TDRKH: variants seen among roughly 807,000 people sequenced by gnomAD.
TDRKH encodes tudor and KH domain-containing protein.
In TDRKH, 28 loss-of-function variants were observed where a neutral mutation model predicts 61.3. The ratio of observed to expected loss-of-function variants is 0.46; its 90% CI spans 0.34 to 0.63. The LOEUF (loss-of-function observed/expected upper bound fraction) is 0.63, where lower values mean the gene tolerates loss of function less well. Ranked by LOEUF, TDRKH falls within the 20% of genes least tolerant of loss-of-function variation. TDRKH has a pLI of 0.01. For missense variants in TDRKH, 540 were observed against 683.4 expected (o/e 0.79, Z 2.34); for synonymous variants, 219 against 244.4 (o/e 0.90, Z 0.97).
chr1:151,780,367 TAGC>T (rs1284251409), intron 3 of TDRKH, among the ~76,000 whole-genome samples: 1 of 150,386 alleles, frequency 6.6e-6, no homozygotes, highest in Non-Finnish European at 1.5e-5. Context: ...TAACCCCAAA[TAGC>T]AGTAAATTCA....
At chr1:151,780,488 G>A (rs1341053479) in intron 3 of TDRKH, among the ~76,000 whole-genome samples, 3 of 152,156 alleles carry the variant, frequency 2.0e-5, no homozygotes, top group Non-Finnish European at 4.4e-5. Flanking sequence ...ATGGAAGATG[G>A]TAAGAAGAAC....
intron 1 of TDRKH, among the ~76,000 whole-genome samples, chr1:151,788,774 T>C (rs901379941): frequency 6.6e-6 from 1 of 152,202 alleles, no homozygotes; most frequent in Non-Finnish European, 1.5e-5. Flanking sequence ...ACTTTTGTTT[T>C]CCAGTTCTGA....
Position 151,774,072 on chromosome 1 carries a change from C to A in TDRKH, c.*380G>T. 1 of 210,330 alleles carries A rather than the reference C, an allele frequency of 4.8e-6. No individual in the cohort carries two copies. The highest frequency in any genetic ancestry group is 9.5e-6 in the Non-Finnish European group (1 of 104,882). 13.0% of individuals were successfully genotyped at this position (210,330 alleles called of 1,614,324 possible). On this transcript the variant is annotated 3_prime_UTR_variant, in exon 13 of 13. Coordinates refer to ENST00000368824, the MANE Select transcript of TDRKH (RefSeq NM_001083965.2). The stretch of plus-strand genomic sequence containing the variant: ...CCGGAGGTGGAATGGGGGAGACACA[C>A]TTGTAGCGTGGTAGTCCAATTTTTT...
intron 1 of TDRKH, among the ~76,000 whole-genome samples, chr1:151,784,742 G>A (rs1365978499): frequency 6.6e-6 from 1 of 151,974 alleles, no homozygotes. Flanking sequence ...GTGATCTCAA[G>A]TCTCATTCAC....
chr1:151,766,701 G>C (rs1429242183), downstream of TDRKH: 1 of 1,551,522 alleles, frequency 6.4e-7, no homozygotes, highest in Non-Finnish European at 8.7e-7. Flanking sequence ...CTTTGCCACA[G>C]GGAGGCACTG....
At chr1:151,771,020 G>A (rs1443863780), downstream of TDRKH, 2 of 1,514,182 alleles carry the variant, frequency 1.3e-6, no homozygotes, top group South Asian at 1.3e-5. Context: ...AAATCTGGGG[G>A]CATACATGTA....
At chr1:151,769,017 A>G, downstream of TDRKH, among the ~76,000 whole-genome samples, 1 of 152,100 alleles carries the variant, frequency 6.6e-6, no homozygotes, top group East Asian at 1.9e-4. Flanking sequence ...AAGGCAGAAG[A>G]ATTTTTCTTA....
chr1:151,776,344 A>G (rs562541120), intron 7 of TDRKH, 76 bp from the exon 8 acceptor site: 3 of 1,594,016 alleles, frequency 1.9e-6, no homozygotes, highest in Admixed American at 3.5e-5. Context: ...GGAGGAAGAA[A>G]GAAAAGTAGT....
At chr1:151,783,215 G>T in intron 1 of TDRKH, 166 bp from the exon 2 acceptor site, 2 of 470,376 alleles carry the variant, frequency 4.3e-6, no homozygotes, top group East Asian at 4.6e-5. Context: ...AGGGCTCAGG[G>T]TATTTTTTAA....
In TDRKH at chr1:151,776,609, G is replaced by C; in HGVS notation, c.884-10C>G. 6.2e-7 allele frequency: 1 copy of C among 1,613,838 alleles called. No homozygotes were observed. The highest frequency in any genetic ancestry group is 8.5e-7 in the Non-Finnish European group (1 of 1,179,830). On this transcript the variant is annotated splice_polypyrimidine_tract_variant and intron_variant, in intron 6 of 12. Coordinates refer to ENST00000368824, the MANE Select transcript of TDRKH (RefSeq NM_001083965.2). ...AAGTCAGGACTGGGGACTGAACACA[G>C]AGATAAGGATGGTGGCCACATCAGA...
downstream of TDRKH, chr1:151,768,004 A>G: frequency 6.2e-7 from 1 of 1,603,364 alleles, no homozygotes; most frequent in Non-Finnish European, 8.5e-7. Flanking sequence ...ACACACCCCC[A>G]TCTGCCTGAG....
In TDRKH at chr1:151,776,470, T is replaced by C. The variant is rs1649193606; in HGVS notation, c.1013A>G (p.Asn338Ser). 1.2e-6 allele frequency: 2 copies of C among 1,614,224 alleles called. No individual in the cohort carries two copies. The highest frequency in any genetic ancestry group is 1.1e-5 in the South Asian group (1 of 91,080). ...SRSLQLDKLV[N>S]EMTQHYENSV... The stretch of plus-strand genomic sequence containing the variant: ...ATTCTCATAGTGCTGGGTCATCTCA[T>C]TGACAAGCTTATCCAATTGCAGGCT... The change falls in exon 7 of 13, where the codon AAT becomes AGT. Residue 338 changes from asparagine to serine, a missense_variant. Around this residue, in one of 3 missense-constraint regions of TDRKH, gnomAD observed 379 missense variants for 443.8 expected, o/e 0.85. Transcript: ENST00000368824.
At chr1:151,770,953 C>G, downstream of TDRKH, 3 of 1,347,290 alleles carry the variant, frequency 2.2e-6, no homozygotes, top group Non-Finnish European at 2.9e-6. Context: ...GACTAAAGCA[C>G]ATCCTATATG....
intron 1 of TDRKH, among the ~76,000 whole-genome samples, chr1:151,786,484 T>C (rs1650326985): frequency 6.6e-6 from 1 of 152,128 alleles, no homozygotes; most frequent in Non-Finnish European, 1.5e-5. Context: ...TAAGAATTGT[T>C]TACGTATGGA....
At chr1:151,767,182 G>C, downstream of TDRKH, 1 of 1,613,904 alleles carries the variant, frequency 6.2e-7, no homozygotes, top group Non-Finnish European at 8.5e-7. Flanking sequence ...TAAGGAAGAG[G>C]AGGACTTGAC....
Position 151,774,796 on chromosome 1 carries a change from G to A in TDRKH, c.1547C>T (p.Thr516Ile), listed in dbSNP as rs1283631902. The A allele has an allele frequency of 6.2e-7, 1 of 1,614,178 alleles. No individual in the cohort carries two copies. The highest frequency in any genetic ancestry group is 8.5e-7 in the Non-Finnish European group (1 of 1,180,014). Residue 516 changes from threonine (T) to isoleucine (I), a missense_variant, in exon 12 of 13, where the codon ACA (threonine) becomes ATA (isoleucine). Thr to Ile is a moderately conservative substitution (Grantham distance 89). Coordinates refer to ENST00000368824, the MANE Select transcript of TDRKH (RefSeq NM_001083965.2). ...PDMLKDMATE[T>I]DASLSTLLTE... Reference sequence around the variant, plus strand: ...GAGCAACGTGCTGAGAGAGGCATCTGTTTCTGTGGCCTGAGTGGATGAAAA... The same window carrying A: ...GAGCAACGTGCTGAGAGAGGCATCTATTTCTGTGGCCTGAGTGGATGAAAA...
downstream of TDRKH, chr1:151,766,495 T>A (rs189856723): frequency 1.9e-6 from 1 of 539,086 alleles, no homozygotes; most frequent in East Asian, 3.1e-5. Context: ...CTTCAAGTTC[T>A]ATTTTTTAAT....
At chr1:151,781,317 CA>C (rs58169893) in intron 3 of TDRKH, among the ~76,000 whole-genome samples, 163 bp downstream of exon 3, 1,332 of 64,764 alleles carry the variant, frequency 0.021, 84 homozygotes, top group South Asian at 0.057. Flanking sequence ...AACTCCATCT[CA>C]AAAAAAAAAA....
chr1:151,775,103 C>G lies in TDRKH; in HGVS notation c.1498G>C (p.Glu500Gln). The part of the protein sequence containing the change: ...GYAIELPEDI[E>Q]ENRAVPDMLK... ...ATGTCTGGGACAGCTCTGTTTTCTT[C>G]TATGTCTTCAGGAAGCTCAATTGCG... The change falls in exon 11 of 13, where the codon GAA (glutamate) becomes CAA (glutamine). Residue 500 changes from glutamate (E) to glutamine (Q), a missense_variant. Physicochemically the swap from Glu to Gln is conservative, Grantham distance 29. Coordinates refer to ENST00000368824, the MANE Select transcript of TDRKH (RefSeq NM_001083965.2). 2.5e-6 allele frequency: 4 copies of G among 1,614,124 alleles called. No individual in the cohort carries two copies. Among genetic ancestry groups the G allele is most frequent in the Non-Finnish European group, 3.4e-6 (4 of 1,180,018 alleles).
Sources: gnomAD v4.1 joint callset for allele counts (sites outside exome capture counted in the v4.1 genomes callset) on GRCh38, gnomAD v4.1.1 for gene constraint, gnomAD v4.1.1 regional missense constraint, MANE v1.5 for transcripts, NCBI Gene and HGNC (gene_info 2026-07-23, HGNC 2026-07-21) for gene names.